Variants in NKAIN2 observed in about 807,000 individuals in gnomAD.
NKAIN2 encodes the protein sodium/potassium-transporting ATPase subunit beta-1-interacting protein 2.
In NKAIN2, 14 loss-of-function variants were observed where a neutral mutation model predicts 32.6. That is an observed-to-expected ratio of 0.43 (90% confidence interval 0.28 to 0.67). NKAIN2 has a LOEUF of 0.67. Ranked by LOEUF, NKAIN2 falls within the 30% of genes least tolerant of loss-of-function variation. NKAIN2 has a pLI of 0.17. For missense variants in NKAIN2, 198 were observed against 258.3 expected, an observed-to-expected ratio of 0.77 and a Z score of 1.60; for synonymous variants, 80 against 87.2, an observed-to-expected ratio of 0.92 and a Z score of 0.46.
chr6:124,101,971 A>T (rs1035926750), intron 1 of NKAIN2, among the ~76,000 whole-genome samples: 15 of 152,150 alleles, frequency 9.9e-5, no homozygotes, highest in Middle Eastern at 3.2e-3. Context: ...CTGTACCAAG[A>T]TACTGGAGCA....
intron 1 of NKAIN2, among the ~76,000 whole-genome samples, chr6:123,923,828 T>C: frequency 6.8e-6 from 1 of 146,094 alleles, no homozygotes; most frequent in Non-Finnish European, 1.5e-5. Flanking sequence ...CATTGGGAGA[T>C]ATACCTAATG....
At chr6:124,431,236 T>A (rs1225317261) in intron 3 of NKAIN2, among the ~76,000 whole-genome samples, 2 of 152,160 alleles carry the variant, frequency 1.3e-5, no homozygotes, top group Non-Finnish European at 2.9e-5. Context: ...CTGATTTTTC[T>A]TGGTCCCTCT....
At chr6:124,163,691 A>AT (rs1377596835) in intron 1 of NKAIN2, among the ~76,000 whole-genome samples, 2 of 152,012 alleles carry the variant, frequency 1.3e-5, no homozygotes, top group Non-Finnish European at 2.9e-5. Context: ...GATTTATTGC[A>AT]TTGAAAAAAT....
rs573367765 is a variant in NKAIN2 at position 124,213,481 on chromosome 6, G to GA, written c.55-69517dup. 1.5e-3 allele frequency among the ~76,000 whole-genome samples: 225 copies of GA among 151,648 alleles called. 1 individual carries two copies. The highest frequency in any genetic ancestry group is 0.011 in the Admixed American group (167 of 15,208). On this transcript the variant is annotated intron_variant, in intron 1 of 6. Coordinates refer to ENST00000368417, the MANE Select transcript of NKAIN2 (RefSeq NM_001040214.3). ...CCTAATATTAGCACTATACCCACCA[G>GA]AAAAAAAGAATAAATAAAAAAATAC...
At chr6:124,401,976 T>A (rs2114459203) in intron 3 of NKAIN2, among the ~76,000 whole-genome samples, 1 of 152,280 alleles carries the variant, frequency 6.6e-6, no homozygotes, top group Admixed American at 6.5e-5. Context: ...TCATTCTTTA[T>A]CCTAAATAAT....
intron 3 of NKAIN2, among the ~76,000 whole-genome samples, chr6:124,516,647 TTG>T (rs901695936): frequency 3.9e-5 from 6 of 152,162 alleles, no homozygotes; most frequent in Non-Finnish European, 7.3e-5. Context: ...CATTCCAAGG[TTG>T]TGTGTGGATA....
At chr6:123,908,057 A>C (rs1774979421) in intron 1 of NKAIN2, among the ~76,000 whole-genome samples, 1 of 152,164 alleles carries the variant, frequency 6.6e-6, no homozygotes. Context: ...GGCAATTAAC[A>C]TGTGTTGTAG....
intron 3 of NKAIN2, among the ~76,000 whole-genome samples, chr6:124,358,347 C>T (rs1799093867): frequency 6.6e-6 from 1 of 152,056 alleles, no homozygotes; most frequent in Non-Finnish European, 1.5e-5. Context: ...TGAGGAATCG[C>T]CACACTGACT....
intron 1 of NKAIN2, among the ~76,000 whole-genome samples, chr6:124,208,054 T>C (rs1416153330): frequency 6.6e-6 from 1 of 151,930 alleles, no homozygotes; most frequent in African/African-American, 2.4e-5. Context: ...TTAAGGTTTT[T>C]GTCTTGGTGG....
intron 4 of NKAIN2, among the ~76,000 whole-genome samples, chr6:124,774,065 A>T (rs2114766723): frequency 6.6e-6 from 1 of 152,296 alleles, no homozygotes; most frequent in Admixed American, 6.5e-5. Flanking sequence ...TTGGAGAGTC[A>T]TGGAAGATTT....
chr6:124,045,741 T>C (rs1281194354), intron 1 of NKAIN2, among the ~76,000 whole-genome samples: 2 of 152,062 alleles, frequency 1.3e-5, no homozygotes, highest in Admixed American at 1.3e-4. Context: ...AACCATGTTC[T>C]ATAATTTGAA....
chr6:124,108,517 C>T (rs929522298), intron 1 of NKAIN2, among the ~76,000 whole-genome samples: 1 of 151,980 alleles, frequency 6.6e-6, no homozygotes, highest in Admixed American at 6.6e-5. Context: ...ATTATTTCCT[C>T]TGTTCTGCAG....
At chr6:124,268,668 A>G (rs1794612641) in intron 1 of NKAIN2, among the ~76,000 whole-genome samples, 1 of 151,816 alleles carries the variant, frequency 6.6e-6, no homozygotes, top group Non-Finnish European at 1.5e-5. Flanking sequence ...AAAGCAAAAT[A>G]TAATGAAATA....
intron 1 of NKAIN2, among the ~76,000 whole-genome samples, chr6:124,232,353 A>C (rs1160571050): frequency 3.9e-5 from 6 of 152,220 alleles, no homozygotes; most frequent in Non-Finnish European, 8.8e-5. Flanking sequence ...AGTAATTAGC[A>C]GGAACTGAAA....
At chr6:124,703,817 A>T (rs1774917864) in intron 4 of NKAIN2, among the ~76,000 whole-genome samples, 1 of 151,990 alleles carries the variant, frequency 6.6e-6, no homozygotes, top group South Asian at 2.1e-4. Flanking sequence ...ACAGATAGGG[A>T]TTTGTGCCAG....
intron 1 of NKAIN2, among the ~76,000 whole-genome samples, chr6:124,086,030 T>C (rs763479930): frequency 3.9e-5 from 6 of 151,986 alleles, no homozygotes; most frequent in Non-Finnish European, 5.9e-5. Flanking sequence ...AGTTTTCATA[T>C]AAAAGAAGGA....
intron 3 of NKAIN2, among the ~76,000 whole-genome samples, chr6:124,601,022 T>C (rs1782284497): frequency 6.6e-6 from 1 of 152,066 alleles, no homozygotes; most frequent in Admixed American, 6.6e-5. Context: ...TAAGTCTCCA[T>C]TGAGTTTCAG....
At chr6:123,839,693 T>A (rs1386934494) in intron 1 of NKAIN2, among the ~76,000 whole-genome samples, 1 of 152,160 alleles carries the variant, frequency 6.6e-6, no homozygotes, top group Non-Finnish European at 1.5e-5. Context: ...TGTTAGTCAT[T>A]AATTCTGCTT....
chr6:124,805,982 G>C (rs1405233979), intron 5 of NKAIN2, among the ~76,000 whole-genome samples: 1 of 152,212 alleles, frequency 6.6e-6, no homozygotes, highest in Non-Finnish European at 1.5e-5. Context: ...AGAAATATGG[G>C]ACTATGTGAA....
Sources: gnomAD v4.1 joint callset for allele counts (sites outside exome capture counted in the v4.1 genomes callset) on GRCh38, gnomAD v4.1.1 for gene constraint, MANE v1.5 for transcripts, NCBI Gene and HGNC (gene_info 2026-07-23, HGNC 2026-07-21) for gene names.